The following LRFN5 variants were observed in gnomAD, a reference collection of about 807,000 sequenced individuals.
LRFN5 encodes the protein leucine rich repeat and fibronectin type III domain containing 5, also known as leucine-rich repeat and fibronectin type-III domain-containing protein 5.
LRFN5 carries 24 observed loss-of-function variants against 45.6 expected under a neutral mutation model. That is an observed-to-expected ratio of 0.53 (90% CI 0.38 to 0.74). The LOEUF (loss-of-function observed/expected upper bound fraction) is 0.74. Ranked by LOEUF, LRFN5 falls within the 30% of genes least tolerant of loss-of-function variation. LRFN5 has a pLI of 0.00. For missense variants in LRFN5, 776 were observed against 861.5 expected, an observed-to-expected ratio of 0.90 and a Z score of 1.24; for synonymous variants, 340 against 313.8, an observed-to-expected ratio of 1.08 and a Z score of -0.88.
intron 2 of LRFN5, among the ~76,000 whole-genome samples, chr14:41,856,675 A>ATTATTATTATTCTTTTT: frequency 5.5e-5 from 1 of 18,328 alleles, no homozygotes; most frequent in Non-Finnish European, 1.3e-4. Flanking sequence ...TATTATTATT[A>ATTATTATTATTCTTTTT]TTTTTTTTTT....
intron 2 of LRFN5, among the ~76,000 whole-genome samples, chr14:41,769,778 G>T (rs900603200): frequency 2.0e-4 from 30 of 151,882 alleles, no homozygotes; most frequent in African/African-American, 7.3e-4. Flanking sequence ...CATAATAATT[G>T]TCAATATATT....
At chr14:41,768,915 G>T (rs1268169481) in intron 2 of LRFN5, among the ~76,000 whole-genome samples, 2 of 151,958 alleles carry the variant, frequency 1.3e-5, no homozygotes, top group Non-Finnish European at 2.9e-5. Context: ...GAAATAAAAG[G>T]CTAACCAGAA....
intron 1 of LRFN5, among the ~76,000 whole-genome samples, chr14:41,762,379 T>C (rs536581168): frequency 7.2e-5 from 11 of 152,288 alleles, no homozygotes; most frequent in Admixed American, 1.3e-4. Flanking sequence ...AGTGTATTAA[T>C]TTATTTGTCA....
chr14:41,850,648 A>G (rs1461773562), intron 2 of LRFN5, among the ~76,000 whole-genome samples: 3 of 151,752 alleles, frequency 2.0e-5, no homozygotes, highest in African/African-American at 7.2e-5. Flanking sequence ...TTATAGATAT[A>G]TTTTCTTTCT....
intron 1 of LRFN5, among the ~76,000 whole-genome samples, chr14:41,698,113 G>A (rs368437400): frequency 1.3e-5 from 2 of 152,008 alleles, no homozygotes; most frequent in South Asian, 4.1e-4. Flanking sequence ...TTACACTTAG[G>A]TGCTGGACAA....
intron 2 of LRFN5, among the ~76,000 whole-genome samples, chr14:41,837,521 G>A (rs1268988068): frequency 6.6e-6 from 1 of 152,154 alleles, no homozygotes; most frequent in Admixed American, 6.5e-5. Flanking sequence ...TTAACTAAAA[G>A]CAACCTCTCA....
At chr14:41,703,092 G>T (rs1019546641) in intron 1 of LRFN5, among the ~76,000 whole-genome samples, 1 of 152,118 alleles carries the variant, frequency 6.6e-6, no homozygotes, top group African/African-American at 2.4e-5. Flanking sequence ...TTTTAAGACT[G>T]CAGTGTAGCT....
intron 1 of LRFN5, among the ~76,000 whole-genome samples, chr14:41,764,297 C>G (rs1259295529): frequency 6.6e-6 from 1 of 152,076 alleles, no homozygotes; most frequent in East Asian, 1.9e-4. Flanking sequence ...CTTTCTCTGT[C>G]CTTGCATTTT....
intron 4 of LRFN5, among the ~76,000 whole-genome samples, chr14:41,898,524 C>T (rs1423143678): frequency 6.6e-6 from 1 of 151,698 alleles, no homozygotes; most frequent in African/African-American, 2.4e-5. Context: ...ATTCTTTTTT[C>T]CTTGATGTAA....
At chr14:41,739,701 A>G (rs1014421573) in intron 1 of LRFN5, among the ~76,000 whole-genome samples, 1 of 152,010 alleles carries the variant, frequency 6.6e-6, no homozygotes, top group Non-Finnish European at 1.5e-5. Context: ...GAAGGAAGTA[A>G]ATAACAAAGA....
intron 4 of LRFN5, among the ~76,000 whole-genome samples, chr14:41,896,946 G>T (rs1963724): frequency 6.6e-6 from 1 of 151,172 alleles, no homozygotes; most frequent in Non-Finnish European, 1.5e-5. Context: ...CAAAAAATTA[G>T]CTGGGTGTGG....
chr14:41,754,272 A>T (rs4904768), intron 1 of LRFN5, among the ~76,000 whole-genome samples: 3 of 151,854 alleles, frequency 2.0e-5, no homozygotes, highest in African/African-American at 7.3e-5. Context: ...GATGATGCTG[A>T]CCTCATAAAA....
At chr14:41,847,748 G>T (rs1889119572) in intron 2 of LRFN5, among the ~76,000 whole-genome samples, 1 of 151,846 alleles carries the variant, frequency 6.6e-6, no homozygotes, top group African/African-American at 2.4e-5. Context: ...GTAAATTTAT[G>T]AATTATTTTT....
At chr14:41,832,055 T>C (rs1400839978) in intron 2 of LRFN5, among the ~76,000 whole-genome samples, 1 of 152,156 alleles carries the variant, frequency 6.6e-6, no homozygotes, top group Non-Finnish European at 1.5e-5. Context: ...CATCAAACTC[T>C]AATTACCTCT....
rs145886651 is a variant in LRFN5 at position 41,621,061 on chromosome 14, A to G, written c.-197+12499A>G. ...TAGAAGGAAACTAATTTTGTTTTTT[A>G]TAGTCATTACCTCTATATTTGTGTA... On this transcript the variant is annotated intron_variant, in intron 1 of 5. Transcript: ENST00000298119. 1.2e-4 allele frequency among the ~76,000 whole-genome samples: 19 copies of G among 152,210 alleles called. No homozygotes were observed. In the East Asian group the frequency reaches 2.5e-3, roughly 20 times the overall value.
intron 1 of LRFN5, among the ~76,000 whole-genome samples, chr14:41,682,531 TA>T (rs1370130513): frequency 3.9e-5 from 6 of 152,092 alleles, no homozygotes; most frequent in Non-Finnish European, 8.8e-5. Flanking sequence ...AATATGAAGT[TA>T]TTTTTTTGAA....
chr14:41,694,932 A>G (rs1343656087), intron 1 of LRFN5, among the ~76,000 whole-genome samples: 4 of 151,970 alleles, frequency 2.6e-5, no homozygotes, highest in Non-Finnish European at 5.9e-5. Flanking sequence ...ACTAGACATG[A>G]TTAAGCTTAG....
intron 1 of LRFN5, among the ~76,000 whole-genome samples, chr14:41,753,549 A>G (rs2138849403): frequency 6.6e-6 from 1 of 152,170 alleles, no homozygotes; most frequent in African/African-American, 2.4e-5. Context: ...GAGTTCACTC[A>G]TGATTTGGCT....
chr14:41,675,624 A>G (rs1005330641), intron 1 of LRFN5, among the ~76,000 whole-genome samples: 19 of 151,620 alleles, frequency 1.3e-4, no homozygotes, highest in Non-Finnish European at 1.8e-4. Flanking sequence ...GAGAGGGGAG[A>G]GGGGAGAGGG....
Sources: gnomAD v4.1 joint callset for allele counts (sites outside exome capture counted in the v4.1 genomes callset) on GRCh38, gnomAD v4.1.1 for gene constraint, MANE v1.5 for transcripts, NCBI Gene and HGNC (gene_info 2026-07-23, HGNC 2026-07-21) for gene names.